Variants in FAM171B observed in about 807,000 individuals in gnomAD.
FAM171B encodes family with sequence similarity 171 member B.
A neutral mutation model predicts 75.6 loss-of-function variants in FAM171B; 19 were observed. The observed-to-expected ratio is 0.25, with a 90% confidence interval of 0.18 to 0.37. The LOEUF is 0.37. Among genes scored for constraint, FAM171B ranks in the 10% least tolerant of loss-of-function variants. The pLI is 1.00. For missense variants in FAM171B, 848 were observed against 982.4 expected (o/e 0.86, Z 1.83); for synonymous variants, 367 against 361.7 (o/e 1.01, Z -0.17).
intron 4 of FAM171B, 42 bp from the exon 5 acceptor site, chr2:186,751,092 C>A (rs1461958468): frequency 2.7e-6 from 4 of 1,463,994 alleles, no homozygotes; most frequent in East Asian, 4.6e-5. Flanking sequence ...TAACTACCAC[C>A]TCTGTTTACA....
chr2:186,695,839 T>G (rs1181614973), intron 1 of FAM171B, among the ~76,000 whole-genome samples: 1 of 152,182 alleles, frequency 6.6e-6, no homozygotes, highest in East Asian at 1.9e-4. Context: ...GTTAAGGAAA[T>G]TGGATATATC....
chr2:186,709,622 T>A (rs1689782848), intron 1 of FAM171B, among the ~76,000 whole-genome samples: 1 of 152,180 alleles, frequency 6.6e-6, no homozygotes, highest in Non-Finnish European at 1.5e-5. Flanking sequence ...TCTGAACATG[T>A]CAATCCTCCA....
At chr2:186,754,605 T>A (rs1034667690) in intron 6 of FAM171B, among the ~76,000 whole-genome samples, 7 of 152,118 alleles carry the variant, frequency 4.6e-5, no homozygotes, top group African/African-American at 1.7e-4. Flanking sequence ...AGAATGATCA[T>A]CCTATTGGCC....
intron 1 of FAM171B, among the ~76,000 whole-genome samples, chr2:186,739,613 G>A (rs984056378): frequency 3.3e-5 from 5 of 152,060 alleles, no homozygotes; most frequent in Non-Finnish European, 7.4e-5. Flanking sequence ...CCTACTGGAA[G>A]GTCTTCAGGG....
intron 1 of FAM171B, among the ~76,000 whole-genome samples, chr2:186,720,709 A>AAG (rs1454072972): frequency 1.4e-5 from 2 of 145,988 alleles, no homozygotes; most frequent in African/African-American, 5.0e-5. Flanking sequence ...ACAAAAAAAA[A>AAG]AAAAAAAGAA....
chr2:186,754,055 G>T lies in FAM171B; in HGVS notation c.1012+6G>T. Reference sequence around the variant, plus strand: ...TCCACTTCCAGGAACTAGAGGTATTGTAAAAAATGAAAGTAATTAAAACAT... The same window carrying T: ...TCCACTTCCAGGAACTAGAGGTATTTTAAAAAATGAAAGTAATTAAAACAT... On this transcript the variant is annotated splice_donor_region_variant and intron_variant, in intron 6 of 7. Coordinates refer to ENST00000304698, the MANE Select transcript of FAM171B (RefSeq NM_177454.4). 6.4e-7 allele frequency: 1 copy of T among 1,572,110 alleles called. No individual in the cohort carries two copies. Among genetic ancestry groups the T allele is most frequent in the Non-Finnish European group, 8.6e-7 (1 of 1,158,170 alleles).
intron 1 of FAM171B, among the ~76,000 whole-genome samples, chr2:186,696,300 G>A (rs61029177): frequency 4.5e-4 from 68 of 151,838 alleles, no homozygotes; most frequent in African/African-American, 1.6e-3. Flanking sequence ...TGCTGTTTTA[G>A]TTATTGGAAT....
rs1176161832 is a variant in FAM171B, at chr2:186,740,226, A to G, written c.239-2A>G. On this transcript the variant is annotated splice_acceptor_variant, in intron 1 of 7. Coordinates refer to ENST00000304698, the MANE Select transcript of FAM171B (RefSeq NM_177454.4). LOFTEE classifies it high-confidence loss of function. ...CTGCAATTTCTACCTTTTTCTCTCC[A>G]GTGTCTGTATTTATGTTGAAAGTCC... is the stretch of plus-strand genomic sequence containing the variant. The G allele has an allele frequency of 6.2e-7, 1 of 1,610,098 alleles. No homozygotes were observed. The highest frequency in any genetic ancestry group is 8.5e-7 in the Non-Finnish European group (1 of 1,176,716).
chr2:186,740,380 T>C lies in FAM171B; in HGVS notation c.391T>C (p.Leu131=). 6 of 1,614,016 alleles carry C rather than the reference T, an allele frequency of 3.7e-6. No homozygotes were observed. The highest frequency in any genetic ancestry group is 1.3e-5 in the African/African-American group (1 of 75,020). ...AGTGCTGATAAAAGTACCCTACAAATTAGGACTTAGTTTAACTATTATTGC... is the reference window on the plus strand; with the variant it reads ...AGTGCTGATAAAAGTACCCTACAAACTAGGACTTAGTTTAACTATTATTGC... ...GAVLIKVPYK[L]GLSLTIIAYK... Residue 131 remains leucine, a synonymous_variant, in exon 2 of 8, where the codon TTA becomes CTA. Coordinates refer to ENST00000304698, the MANE Select transcript of FAM171B (RefSeq NM_177454.4).
rs1574113386 is a variant in FAM171B at position 186,754,877 on chromosome 2, T to G, written c.1012+828T>G. Among the ~76,000 whole-genome samples, 6 of 152,266 alleles carry G rather than the reference T, an allele frequency of 3.9e-5. No homozygotes were observed. The East Asian group carries it at 1.2e-3, about 29-fold the overall frequency. On this transcript the variant is annotated intron_variant, in intron 6 of 7. Transcript: ENST00000304698. ...ATGAGCTATCAATGTATTTTATGTG[T>G]GGCCCAAGGCAGCCAAAAGATTGGA...
intron 1 of FAM171B, among the ~76,000 whole-genome samples, chr2:186,735,033 AGCTGCAGCTGACAG>A (rs1222630863): frequency 6.6e-6 from 1 of 152,208 alleles, no homozygotes. Context: ...TGGGGTCTGC[AGCTGCAGCTGACAG>A]GCTGCAGCTG....
chr2:186,758,239 G>A (rs1013102032), intron 6 of FAM171B, among the ~76,000 whole-genome samples: 3 of 152,084 alleles, frequency 2.0e-5, no homozygotes, highest in Non-Finnish European at 4.4e-5. Flanking sequence ...TGCAGATAAG[G>A]GAACTAGATA....
chr2:186,741,553 A>G (rs1186559468), intron 2 of FAM171B, among the ~76,000 whole-genome samples: 1 of 152,146 alleles, frequency 6.6e-6, no homozygotes, highest in African/African-American at 2.4e-5. Flanking sequence ...AAAACAGGAA[A>G]TACAAATGGT....
chr2:186,734,974 A>T (rs1305064098), intron 1 of FAM171B, among the ~76,000 whole-genome samples: 1 of 152,198 alleles, frequency 6.6e-6, no homozygotes, highest in Non-Finnish European at 1.5e-5. Context: ...GGCACTTTCA[A>T]GCCTGTGAGG....
Position 186,765,553 on chromosome 2 carries a change from T to G in FAM171B, c.*2730T>G, listed in dbSNP as rs1432309220. ...AATGTTGAGGAATGAAAGCACTTCT[T>G]TGCTTTGGCAATCATTTTCAGACCA... On this transcript the variant is annotated 3_prime_UTR_variant, in exon 8 of 8. Transcript: ENST00000304698. 6.6e-6 allele frequency: 1 copy of G among 152,054 alleles called. No homozygotes were observed. The highest frequency in any genetic ancestry group is 1.5e-5 in the Non-Finnish European group (1 of 67,950). 9.4% of individuals were successfully genotyped at this position (152,054 alleles called of 1,614,324 possible). A position where few individuals can be genotyped will look rare whatever the true frequency, so the allele number is the denominator to read the frequency against.
chr2:186,711,254 C>T (rs1012571962), intron 1 of FAM171B, among the ~76,000 whole-genome samples: 4 of 152,178 alleles, frequency 2.6e-5, no homozygotes, highest in Non-Finnish European at 5.9e-5. Flanking sequence ...GCTACATACT[C>T]TCTTCCAGGC....
chr2:186,697,339 A>C (rs1261369078), intron 1 of FAM171B, among the ~76,000 whole-genome samples: 1 of 151,854 alleles, frequency 6.6e-6, no homozygotes, highest in Non-Finnish European at 1.5e-5. Context: ...GGCTCAAGTC[A>C]GTCTCAACCT....
chr2:186,738,488 T>C (rs1690237731), intron 1 of FAM171B, among the ~76,000 whole-genome samples: 1 of 151,762 alleles, frequency 6.6e-6, no homozygotes, highest in African/African-American at 2.4e-5. Flanking sequence ...TGGGTCTTCT[T>C]GGAAAAAGAA....
intron 1 of FAM171B, among the ~76,000 whole-genome samples, chr2:186,710,793 T>C (rs1689800267): frequency 6.6e-6 from 1 of 152,152 alleles, no homozygotes; most frequent in Non-Finnish European, 1.5e-5. Context: ...CACTGAAACA[T>C]TGGAATTGGG....
Sources: allele counts gnomAD v4.1 joint callset (sites outside exome capture counted in the v4.1 genomes callset), GRCh38; gene constraint gnomAD v4.1.1; transcripts MANE v1.5; gene names NCBI Gene and HGNC (gene_info 2026-07-23, HGNC 2026-07-21).